Variants in MARK3 observed in about 807,000 individuals in gnomAD.
MARK3 encodes MAP/microtubule affinity-regulating kinase 3.
In MARK3, 46 loss-of-function variants were observed where a neutral mutation model predicts 90.1. The observed-to-expected ratio is 0.51, with a 90% CI of 0.40 to 0.65. The LOEUF (loss-of-function observed/expected upper bound fraction) is 0.65, where lower values mean the gene tolerates loss of function less well. MARK3 is among the 30% of genes least tolerant of loss of function. The probability of loss-of-function intolerance (pLI) is 0.00; values close to 1 mark genes in which losing one functional copy is unlikely to be tolerated. For missense variants in MARK3, 818 were observed against 947.2 expected (o/e 0.86, Z 1.79); for synonymous variants, 321 against 332.6 (o/e 0.97, Z 0.38).
At chr14:103,391,200 G>A (rs962230) in intron 1 of MARK3, among the ~76,000 whole-genome samples, 149,904 of 152,278 alleles carry the variant, frequency 0.98, 73,842 homozygotes, top group Non-Finnish European at 1. Flanking sequence ...TTTACAGTAC[G>A]TAGGACAGCC....
chr14:103,387,172 C>T (rs1244780933), intron 1 of MARK3, among the ~76,000 whole-genome samples: 1 of 152,166 alleles, frequency 6.6e-6, no homozygotes, highest in Admixed American at 6.6e-5. Context: ...TCAGTAATGT[C>T]CTGAGATGTT....
chr14:103,410,882 G>C (rs1259210210), intron 2 of MARK3, among the ~76,000 whole-genome samples: 2 of 152,000 alleles, frequency 1.3e-5, no homozygotes, highest in Non-Finnish European at 2.9e-5. Flanking sequence ...TCTTGTTTTA[G>C]GGAAGTTTTT....
chr14:103,432,306 A>G (rs2092605994), intron 3 of MARK3, among the ~76,000 whole-genome samples: 1 of 152,176 alleles, frequency 6.6e-6, no homozygotes, highest in African/African-American at 2.4e-5. Context: ...ACAGAGGAAG[A>G]AAAAAAGGAA....
At chr14:103,399,427 G>A (rs1342656774) in intron 1 of MARK3, among the ~76,000 whole-genome samples, 1 of 152,058 alleles carries the variant, frequency 6.6e-6, no homozygotes, top group Non-Finnish European at 1.5e-5. Flanking sequence ...AAGAAATTTG[G>A]GGTAGGGTGC....
At chr14:103,469,511 A>G (rs1310989620) in intron 12 of MARK3, among the ~76,000 whole-genome samples, 1 of 150,902 alleles carries the variant, frequency 6.6e-6, no homozygotes, top group East Asian at 2.0e-4. Context: ...TTGAGATGGA[A>G]TTTTGCTCTT....
At chr14:103,442,540 A>G (rs1026729878) in intron 3 of MARK3, among the ~76,000 whole-genome samples, 7 of 152,190 alleles carry the variant, frequency 4.6e-5, no homozygotes, top group African/African-American at 1.4e-4. Flanking sequence ...TAACATTTGA[A>G]TAAGCCAGAC....
In MARK3 at chr14:103,500,632, T is replaced by G. The variant is rs145853553; in HGVS notation, c.1916+432T>G. On this transcript the variant is annotated intron_variant, in intron 17 of 17. Transcript: ENST00000429436. ...ATTATATAGTTGAGTGTTTTGCTTT[T>G]CTTTTTTTTTTTTCTGAGACACGGT... Among the ~76,000 whole-genome samples the G allele has an allele frequency of 9.5e-4, 145 of 151,970 alleles. 3 individuals are homozygous for G. In the East Asian group the frequency reaches 0.026, roughly 27 times the overall value.
chr14:103,441,203 A>G (rs932792378), intron 3 of MARK3, among the ~76,000 whole-genome samples: 10 of 152,176 alleles, frequency 6.6e-5, no homozygotes, highest in Non-Finnish European at 1.3e-4. Flanking sequence ...CTCAGTGAAT[A>G]GCAGAGGCTC....
intron 6 of MARK3, chr14:103,458,754 G>T: frequency 1.4e-6 from 1 of 729,820 alleles, no homozygotes; most frequent in Non-Finnish European, 2.5e-6. Flanking sequence ...GACTATTAAA[G>T]TTCAAGTCTC....
At position 103,503,006 on chromosome 14, in the gene MARK3, A is replaced by G. The variant is rs1354952202; in HGVS notation, c.2041A>G (p.Lys681Glu). The change falls in exon 18 of 18, where the codon AAA becomes GAA. Residue 681 changes from lysine to glutamate, a missense_variant. This residue lies in a region of MARK3 where 560 missense variants were observed against 613.5 expected (regional missense o/e 0.91). Transcript: ENST00000429436. ...DPGDMMREIR[K>E]VLDANNCDYE... ...CGGGGACATGATGCGGGAAATCCGC[A>G]AAGTGTTGGACGCCAATAACTGCGA... The G allele has an allele frequency of 1.2e-6, 2 of 1,614,142 alleles. No individual in the cohort carries two copies. The highest frequency in any genetic ancestry group is 1.7e-6 in the Non-Finnish European group (2 of 1,180,054).
In MARK3 at chr14:103,491,922, A is replaced by C. The variant is rs1024787504; in HGVS notation, c.1732A>C (p.Asn578His). Residue 578 changes from asparagine to histidine, a missense_variant, in exon 15 of 18, where the codon AAT becomes CAT. Coordinates refer to ENST00000429436, the MANE Select transcript of MARK3 (RefSeq NM_001128918.3). ...QPRERRTATY[N>H]GPPASPSLSH... Reference sequence around the variant, plus strand: ...CCGGGAACGGCGAACCGCAACATATAATGGCCCTCCTGCCTCTCCCAGCCT... The same window carrying C: ...CCGGGAACGGCGAACCGCAACATATCATGGCCCTCCTGCCTCTCCCAGCCT... The C allele has an allele frequency of 6.2e-7, 1 of 1,614,144 alleles. No individual in the cohort carries two copies. The highest frequency in any genetic ancestry group is 8.5e-7 in the Non-Finnish European group (1 of 1,180,036).
rs370805910 is a variant in MARK3 at position 103,462,422 on chromosome 14, A to G, written c.501A>G (p.Gln167=). The part of the protein sequence containing the change: ...SKFRQIVSAV[Q]YCHQKRIVHR... ...CTATTCAGATTGTGTCTGCAGTTCA[A>G]TACTGCCATCAGAAACGGATCGTAC... Residue 167 remains glutamine, a synonymous_variant, in exon 7 of 18, where the codon CAA becomes CAG. Coordinates refer to ENST00000429436, the MANE Select transcript of MARK3 (RefSeq NM_001128918.3). 1.4e-4 allele frequency: 223 copies of G among 1,604,460 alleles called. 2 individuals carry two copies. In the South Asian group the frequency reaches 2.3e-3, roughly 16 times the overall value.
intron 5 of MARK3, 82 bp downstream of exon 5, chr14:103,452,065 A>G (rs751434571): frequency 4.5e-6 from 4 of 883,966 alleles, no homozygotes; most frequent in Admixed American, 2.2e-5. Flanking sequence ...CATATGGGTC[A>G]TCATTAAGGT....
At chr14:103,395,951 A>G (rs867929753) in intron 1 of MARK3, among the ~76,000 whole-genome samples, 9 of 152,184 alleles carry the variant, frequency 5.9e-5, no homozygotes, top group Non-Finnish European at 1.0e-4. Flanking sequence ...TGATACCAAT[A>G]TATTTAGTCT....
In MARK3 at chr14:103,451,987, A is replaced by T. The variant is rs572627741; in HGVS notation, c.412+4A>T. 22 of 1,599,376 alleles carry T rather than the reference A, an allele frequency of 1.4e-5. 1 individual carries two copies. In the Middle Eastern group the frequency reaches 2.9e-3, roughly 208 times the overall value. On this transcript the variant is annotated splice_donor_region_variant and intron_variant, in intron 5 of 17. Coordinates refer to ENST00000429436, the MANE Select transcript of MARK3 (RefSeq NM_001128918.3). The stretch of plus-strand genomic sequence containing the variant: ...ATCATGGAATATGCAAGTGGAGGTA[A>T]GAACATTTTTATATATATTGGGTTT...
chr14:103,462,491 C>T (rs775248466), intron 7 of MARK3, 30 bp downstream of exon 7: 1 of 1,548,796 alleles, frequency 6.5e-7, no homozygotes. Flanking sequence ...TCAGTGTATG[C>T]TCTGTCTGTT....
At chr14:103,415,150 CAAAAAAAAAAAAA>C (rs34245934) in intron 2 of MARK3, among the ~76,000 whole-genome samples, 1 of 37,708 alleles carries the variant, frequency 2.7e-5, no homozygotes, top group Non-Finnish European at 4.8e-5. Flanking sequence ...GACCTTGTCT[CAAAAAAAAAAAAA>C]AAAAAAAAAA....
intron 14 of MARK3, among the ~76,000 whole-genome samples, chr14:103,488,496 T>A (rs1295082225): frequency 6.6e-6 from 1 of 152,206 alleles, no homozygotes; most frequent in Non-Finnish European, 1.5e-5. Context: ...AGACATTTGT[T>A]TCCAGTCCTT....
intron 1 of MARK3, 139 bp from the exon 2 acceptor site, chr14:103,404,937 G>A: frequency 1.8e-6 from 1 of 565,710 alleles, no homozygotes; most frequent in Non-Finnish European, 3.0e-6. Flanking sequence ...ATATTATGTG[G>A]TTAAATTCCT....
Sources: gnomAD v4.1 joint callset for allele counts (sites outside exome capture counted in the v4.1 genomes callset) on GRCh38, gnomAD v4.1.1 for gene constraint, gnomAD v4.1.1 regional missense constraint, MANE v1.5 for transcripts, NCBI Gene and HGNC (gene_info 2026-07-23, HGNC 2026-07-21) for gene names.